ATXN7L2: variants seen among roughly 807,000 people sequenced by gnomAD.
ATXN7L2 encodes ataxin 7 like 2, also known as ataxin-7-like protein 2.
ATXN7L2 carries 17 observed loss-of-function variants against 59.6 expected under a neutral mutation model. The observed-to-expected ratio is 0.29, with a 90% CI of 0.20 to 0.43. The LOEUF (loss-of-function observed/expected upper bound fraction) is 0.43. Ranked by LOEUF, ATXN7L2 falls within the 20% of genes least tolerant of loss-of-function variation. The pLI, the probability that ATXN7L2 is intolerant of heterozygous loss-of-function variation, is 1.00. For missense variants in ATXN7L2, 858 were observed against 1,008.9 expected (o/e 0.85, Z 2.03); for synonymous variants, 378 against 392.5 (o/e 0.96, Z 0.44).
At position 109,487,634 on chromosome 1, in the gene ATXN7L2, A is replaced by G. The variant is rs762052633; in HGVS notation, c.626A>G (p.Lys209Arg). ...CTCAGCCAGCCAGGGGGCCTCACCA[A>G]GGACTCCCCTGGAAAACCTCCCATG... ...AFLSQPGGLT[K>R]DSPGKPPMAP... The change falls in exon 5 of 11, where the codon AAG becomes AGG. Residue 209 changes from lysine to arginine, a missense_variant. Lys to Arg is a conservative substitution (Grantham distance 26). This residue lies in a region of ATXN7L2 where 734 missense variants were observed against 862.3 expected (regional missense o/e 0.85). Coordinates refer to ENST00000683729, the MANE Select transcript of ATXN7L2 (RefSeq NM_001350175.2). The G allele has an allele frequency of 4.4e-6, 7 of 1,604,614 alleles. No individual in the cohort carries two copies. The highest frequency in any genetic ancestry group is 5.1e-6 in the Non-Finnish European group (6 of 1,175,728).
rs1656618669 is a variant in ATXN7L2, at chr1:109,486,864, G to A, written c.299-143G>A. 2 of 869,078 alleles carry A rather than the reference G, an allele frequency of 2.3e-6. No homozygotes were observed. The highest frequency in any genetic ancestry group is 3.9e-5 in the South Asian group (2 of 50,638). 53.8% of individuals were successfully genotyped at this position (869,078 alleles called of 1,614,324 possible). On this transcript the variant is annotated intron_variant, in intron 3 of 10. Transcript: ENST00000683729. This position sits in a 1 kb window ranked among gnomAD's most constrained non-coding sequence, Gnocchi z 4.3. Reference sequence around the variant, plus strand: ...TTGAATTTTGAGTCCTAAAGGCTCAGATTCAAATGGGAAGGAGGCATGTTT... The same window carrying A: ...TTGAATTTTGAGTCCTAAAGGCTCAAATTCAAATGGGAAGGAGGCATGTTT...
rs1031267332 is a variant in ATXN7L2, at chr1:109,492,659, G to A, written c.*59G>A. ...CAGCACCTCCTCCCCTCCAGATCCG[G>A]GCCCCAGGCTGCTGCCGCTTTTTAT... On this transcript the variant is annotated 3_prime_UTR_variant, in exon 11 of 11. Transcript: ENST00000683729. 1 of 1,595,496 alleles carries A rather than the reference G, an allele frequency of 6.3e-7. No homozygotes were observed. The highest frequency in any genetic ancestry group is 1.1e-5 in the South Asian group (1 of 89,114).
intron 1 of ATXN7L2, chr1:109,485,486 G>C: frequency 1.0e-6 from 1 of 985,426 alleles, no homozygotes. Context: ...CTGAGAAGCT[G>C]GGTGTAACTT....
intron 1 of ATXN7L2, 48 bp downstream of exon 1, chr1:109,484,128 T>TC: frequency 1.5e-6 from 2 of 1,339,982 alleles, no homozygotes; most frequent in Non-Finnish European, 1.9e-6. Context: ...CTATCTCCCC[T>TC]CCCCCCTTCC....
At position 109,491,555 on chromosome 1, in the gene ATXN7L2, T is replaced by C. The variant is rs760405465; in HGVS notation, c.2088T>C (p.Ser696=). Residue 696 remains serine, a synonymous_variant, in exon 10 of 11, where the codon TCT becomes TCC. Transcript: ENST00000683729. The surrounding 1 kb of genome is among the most constrained non-coding windows in gnomAD (Gnocchi z 4.1). ...PAKALPTNCL[S]EEEVAKKRKN... ...AGGCCCTGCCAACCAACTGCCTCTCTGAGGAGGAGGTGGCCAAGAAGCGGA... is the reference window on the plus strand; with the variant it reads ...AGGCCCTGCCAACCAACTGCCTCTCCGAGGAGGAGGTGGCCAAGAAGCGGA... The C allele has an allele frequency of 2.5e-6, 4 of 1,613,934 alleles. No homozygotes were observed. In the South Asian group the frequency reaches 4.4e-5, roughly 18 times the overall value.
In ATXN7L2 at chr1:109,489,958, G is replaced by A; in HGVS notation, c.1162G>A (p.Asp388Asn). The A allele has an allele frequency of 6.2e-7, 1 of 1,613,792 alleles. No homozygotes were observed. The highest frequency in any genetic ancestry group is 1.1e-5 in the South Asian group (1 of 91,070). ...CCGGGCCTCCTCCGAGAGTGAATTG[G>A]ATGATGAAGGCCCCTGTGGTGGTGA... Reference protein sequence around the residue: ...RSRASSESELDDEGPCGGDGD... With the variant: ...RSRASSESELNDEGPCGGDGD... The change falls in exon 8 of 11, where the codon GAT becomes AAT. Residue 388 changes from aspartate to asparagine, a missense_variant. Asp to Asn is a conservative substitution (Grantham distance 23). Transcript: ENST00000683729.
Position 109,483,930 on chromosome 1 carries a change from G to T in ATXN7L2, c.-24G>T, listed in dbSNP as rs1326282197. On this transcript the variant is annotated 5_prime_UTR_variant, in exon 1 of 11. Coordinates refer to ENST00000683729, the MANE Select transcript of ATXN7L2 (RefSeq NM_001350175.2). Reference sequence around the variant, plus strand: ...GGGGGCCGCGCGGCGGCGGCGCCAGGGCGGGCGCGCGTCCGCGGCGGTGAT... The same window carrying T: ...GGGGGCCGCGCGGCGGCGGCGCCAGTGCGGGCGCGCGTCCGCGGCGGTGAT... 7.5e-6 allele frequency: 9 copies of T among 1,193,292 alleles called. No homozygotes were observed. The highest frequency in any genetic ancestry group is 9.4e-6 in the Non-Finnish European group (9 of 960,872). 73.9% of individuals were successfully genotyped at this position (1,193,292 alleles called of 1,614,324 possible).
chr1:109,490,453 C>G (rs572066133), intron 9 of ATXN7L2, 61 bp downstream of exon 9: 2 of 1,582,820 alleles, frequency 1.3e-6, no homozygotes, highest in Non-Finnish European at 8.6e-7. Flanking sequence ...TCCAGACATA[C>G]TTGGGCTTCA....
In ATXN7L2 at chr1:109,483,937, G is replaced by A; in HGVS notation, c.-17G>A. 1 of 1,206,214 alleles carries A rather than the reference G, an allele frequency of 8.3e-7. No individual in the cohort carries two copies. The highest frequency in any genetic ancestry group is 1.6e-5 in the African/African-American group (1 of 63,052). 74.7% of individuals were successfully genotyped at this position (1,206,214 alleles called of 1,614,324 possible). ...GCGCGGCGGCGGCGCCAGGGCGGGC[G>A]CGCGTCCGCGGCGGTGATGGCGGTG... On this transcript the variant is annotated 5_prime_UTR_variant, in exon 1 of 11. Transcript: ENST00000683729.
Position 109,492,705 on chromosome 1 carries a change from T to C in ATXN7L2, c.*105T>C. 1 of 1,284,800 alleles carries C rather than the reference T, an allele frequency of 7.8e-7. No individual in the cohort carries two copies. Among genetic ancestry groups the C allele is most frequent in the South Asian group, 1.4e-5 (1 of 71,714 alleles). The allele number at this position is 1,284,800 out of a possible 1,614,324, so 79.6% of individuals were successfully genotyped here. A position where few individuals can be genotyped will look rare whatever the true frequency, so the allele number is the denominator to read the frequency against. Reference sequence around the variant, plus strand: ...TTTATAACTTTATATTATTTTTTTTTAAGAAAAAAAGCTCTTTAAAATACC... The same window carrying C: ...TTTATAACTTTATATTATTTTTTTTCAAGAAAAAAAGCTCTTTAAAATACC... On this transcript the variant is annotated 3_prime_UTR_variant, in exon 11 of 11. Transcript: ENST00000683729.
chr1:109,489,816 C>A, intron 7 of ATXN7L2, 114 bp from the exon 8 acceptor site: 1 of 1,070,138 alleles, frequency 9.3e-7, no homozygotes, highest in Non-Finnish European at 1.4e-6. Flanking sequence ...TTCTGATTGC[C>A]CTGCAGGGTG....
chr1:109,489,846 C>G, intron 7 of ATXN7L2, 84 bp from the exon 8 acceptor site: 3 of 1,497,674 alleles, frequency 2.0e-6, no homozygotes, highest in Non-Finnish European at 2.8e-6. Context: ...GTGCCCTGCT[C>G]TTTGAGCTCG....
chr1:109,489,583 T>C, intron 7 of ATXN7L2: 1 of 378,928 alleles, frequency 2.6e-6, no homozygotes, highest in Non-Finnish European at 4.8e-6. Flanking sequence ...GAATATGTGA[T>C]GCAAGAAGGG....
rs1221401574 is a variant in ATXN7L2 at position 109,491,846 on chromosome 1, GTTTTC to G, written c.2250+133_2250+137del. Reference sequence around the variant, plus strand: ...GGGAAGTTGAGAGAGTTCCTGGACTGTTTTCTTTAGGAAGAGGTAGGTCAGTTCTT... The same window carrying G: ...GGGAAGTTGAGAGAGTTCCTGGACTGTTTAGGAAGAGGTAGGTCAGTTCTT... On this transcript the variant is annotated intron_variant, in intron 10 of 10. Transcript: ENST00000683729. The surrounding 1 kb of genome is among the most constrained non-coding windows in gnomAD (Gnocchi z 4.1). 3 of 1,286,176 alleles carry G rather than the reference GTTTTC, an allele frequency of 2.3e-6. No homozygotes were observed. In the African/African-American group the frequency reaches 4.5e-5, roughly 19 times the overall value. The allele number at this position is 1,286,176 out of a possible 1,614,324, so 79.7% of individuals were successfully genotyped here.
Position 109,484,015 on chromosome 1 carries a change from T to C in ATXN7L2, c.62T>C (p.Leu21Pro), listed in dbSNP as rs1343452747. 3.5e-6 allele frequency: 5 copies of C among 1,434,542 alleles called. No homozygotes were observed. In the African/African-American group the frequency reaches 5.8e-5, roughly 17 times the overall value. The allele number at this position is 1,434,542 out of a possible 1,614,324, so 88.9% of individuals were successfully genotyped here. A position where few individuals can be genotyped will look rare whatever the true frequency, so the allele number is the denominator to read the frequency against. Reference sequence around the variant, plus strand: ...GCTCTGGAGCGGCGGGTGCCGAGTCTCGATGACTTCGCGGGACAGAGCTGG... The same window carrying C: ...GCTCTGGAGCGGCGGGTGCCGAGTCCCGATGACTTCGCGGGACAGAGCTGG... Reference protein sequence around the residue: ...MAALERRVPSLDDFAGQSWSS... With the variant: ...MAALERRVPSPDDFAGQSWSS... The change falls in exon 1 of 11, where the codon CTC becomes CCC. Residue 21 changes from leucine to proline, a missense_variant. Physicochemically the swap from Leu to Pro is moderately conservative, Grantham distance 98 (BLOSUM62 -3). Transcript: ENST00000683729.
rs749908193 is a variant in ATXN7L2, at chr1:109,487,049, C to T, written c.341C>T (p.Pro114Leu). The change falls in exon 4 of 11, where the codon CCA becomes CTA. Residue 114 changes from proline to leucine, a missense_variant. This residue lies in a region of ATXN7L2 where 734 missense variants were observed against 862.3 expected (regional missense o/e 0.85). Coordinates refer to ENST00000683729, the MANE Select transcript of ATXN7L2 (RefSeq NM_001350175.2). ...CTCAGCAAGCTTTATGGCCGGGCCCCACCCCCACCTCCAGCCCCTGCCAGC... is the reference window on the plus strand; with the variant it reads ...CTCAGCAAGCTTTATGGCCGGGCCCTACCCCCACCTCCAGCCCCTGCCAGC... The part of the protein sequence containing the change: ...GPLSKLYGRA[P>L]PPPPAPASSQ... 2.1e-5 allele frequency: 34 copies of T among 1,610,474 alleles called. No homozygotes were observed. The highest frequency in any genetic ancestry group is 2.4e-5 in the Non-Finnish European group (28 of 1,178,444).
chr1:109,488,795 C>G lies in ATXN7L2; in HGVS notation c.880-52C>G. On this transcript the variant is annotated intron_variant, in intron 6 of 10. Coordinates refer to ENST00000683729, the MANE Select transcript of ATXN7L2 (RefSeq NM_001350175.2). The surrounding 1 kb of genome is among the most constrained non-coding windows in gnomAD (Gnocchi z 5.0). Reference sequence around the variant, plus strand: ...GGCCAAAGCACCCTGCCGTCCCTCACCCCTTCTCAGTTCATACCTACTCCC... The same window carrying G: ...GGCCAAAGCACCCTGCCGTCCCTCAGCCCTTCTCAGTTCATACCTACTCCC... The G allele has an allele frequency of 6.3e-7, 1 of 1,577,092 alleles. No individual in the cohort carries two copies. The highest frequency in any genetic ancestry group is 1.2e-5 in the South Asian group (1 of 86,680).
chr1:109,491,663 C>T lies in ATXN7L2; in HGVS notation c.2196C>T (p.Arg732=), dbSNP rs774856604. 1 of 1,611,100 alleles carries T rather than the reference C, an allele frequency of 6.2e-7. No individual in the cohort carries two copies. Among genetic ancestry groups the T allele is most frequent in the Middle Eastern group, 1.8e-4 (1 of 5,582 alleles). ...GAPADVACSV[R]RKKPGPALAF... is the part of the protein sequence containing the mutation. Reference sequence around the variant, plus strand: ...CTGCTGATGTGGCCTGCTCTGTGCGCCGCAAGAAGCCAGGCCCGGCCCTGG... The same window carrying T: ...CTGCTGATGTGGCCTGCTCTGTGCGTCGCAAGAAGCCAGGCCCGGCCCTGG... The change falls in exon 10 of 11, where the codon CGC becomes CGT. Residue 732 remains arginine (R), a synonymous_variant. Coordinates refer to ENST00000683729, the MANE Select transcript of ATXN7L2 (RefSeq NM_001350175.2). This position sits in a 1 kb window ranked among gnomAD's most constrained non-coding sequence, Gnocchi z 4.1.
Position 109,487,048 on chromosome 1 carries a change from C to A in ATXN7L2, c.340C>A (p.Pro114Thr), listed in dbSNP as rs767012090. ...GPLSKLYGRA[P>T]PPPPAPASSQ... is the part of the protein sequence containing the mutation. ...CCTCAGCAAGCTTTATGGCCGGGCC[C>A]CACCCCCACCTCCAGCCCCTGCCAG... The change falls in exon 4 of 11, where the codon CCA becomes ACA. Residue 114 changes from proline to threonine, a missense_variant. Around this residue, in one of 3 missense-constraint regions of ATXN7L2, gnomAD observed 734 missense variants for 862.3 expected, o/e 0.85. Coordinates refer to ENST00000683729, the MANE Select transcript of ATXN7L2 (RefSeq NM_001350175.2). The A allele has an allele frequency of 1.2e-6, 2 of 1,610,418 alleles. No individual in the cohort carries two copies. Among genetic ancestry groups the A allele is most frequent in the Non-Finnish European group, 1.7e-6 (2 of 1,178,320 alleles).
Sources: allele counts gnomAD v4.1 joint callset, GRCh38; gene constraint gnomAD v4.1.1; regional missense constraint gnomAD v4.1.1; non-coding constraint Gnocchi (gnomAD v3.1); transcripts MANE v1.5; gene names NCBI Gene and HGNC (gene_info 2026-07-23, HGNC 2026-07-21).